Variants in MSI2 observed in about 807,000 individuals in gnomAD.
MSI2 encodes RNA-binding protein Musashi homolog 2.
Under a neutral mutation model 45.6 loss-of-function variants are expected in MSI2, and 17 were observed. The ratio of observed to expected loss-of-function variants is 0.37; its 90% CI spans 0.26 to 0.56. The LOEUF is 0.56. Among genes scored for constraint, MSI2 ranks in the 20% least tolerant of loss-of-function variants. MSI2 has a pLI of 0.77. For missense variants in MSI2, 293 were observed against 444.2 expected (o/e 0.66, Z 3.06); for synonymous variants, 156 against 158.2 (o/e 0.99, Z 0.11).
chr17:57,479,150 G>A (rs769026382), intron 6 of MSI2, among the ~76,000 whole-genome samples: 1 of 152,146 alleles, frequency 6.6e-6, no homozygotes, highest in South Asian at 2.1e-4. Flanking sequence ...CAAAATGATG[G>A]AGACCCTTGG....
chr17:57,629,449 G>A (rs1380754106), intron 10 of MSI2: 1 of 152,176 alleles, frequency 6.6e-6, no homozygotes, highest in Non-Finnish European at 1.5e-5. Flanking sequence ...AGAAGAATAA[G>A]AAGAAGTAAA....
intron 7 of MSI2, among the ~76,000 whole-genome samples, chr17:57,579,274 C>T (rs973143777): frequency 6.6e-6 from 1 of 152,110 alleles, no homozygotes; most frequent in Non-Finnish European, 1.5e-5. Context: ...GCAGAATGGC[C>T]GTAACATGGC....
At chr17:57,326,990 G>C (rs1913851440) in intron 5 of MSI2, among the ~76,000 whole-genome samples, 1 of 152,146 alleles carries the variant, frequency 6.6e-6, no homozygotes, top group Non-Finnish European at 1.5e-5. Flanking sequence ...AGTTAAGAAG[G>C]GAAAAACCTC....
chr17:57,578,831 T>C (rs2088122336), intron 7 of MSI2, among the ~76,000 whole-genome samples: 2 of 152,134 alleles, frequency 1.3e-5, no homozygotes, highest in Admixed American at 6.5e-5. Context: ...GGTGGGTGTG[T>C]GATGATGCGG....
intron 7 of MSI2, among the ~76,000 whole-genome samples, chr17:57,548,779 G>A (rs1041206155): frequency 6.6e-6 from 1 of 151,988 alleles, no homozygotes; most frequent in Non-Finnish European, 1.5e-5. Context: ...ATGGCCATTC[G>A]GAGTCAGCCC....
At chr17:57,577,890 T>C (rs2144349810) in intron 7 of MSI2, among the ~76,000 whole-genome samples, 1 of 152,316 alleles carries the variant, frequency 6.6e-6, no homozygotes, top group Non-Finnish European at 1.5e-5. Flanking sequence ...GGTCACTGGG[T>C]ACTCCAGAGG....
intron 8 of MSI2, among the ~76,000 whole-genome samples, chr17:57,613,357 C>T (rs985056054): frequency 6.6e-6 from 1 of 152,192 alleles, no homozygotes; most frequent in Non-Finnish European, 1.5e-5. Flanking sequence ...TTGCCTGGGA[C>T]TGAGGGGTTT....
At chr17:57,583,298 C>T (rs1230835931) in intron 7 of MSI2, among the ~76,000 whole-genome samples, 3 of 152,172 alleles carry the variant, frequency 2.0e-5, no homozygotes, top group East Asian at 1.9e-4. Context: ...AAATGAGGAG[C>T]CCCACCCTCA....
At chr17:57,500,373 G>A (rs1485166205) in intron 6 of MSI2, among the ~76,000 whole-genome samples, 2 of 151,356 alleles carry the variant, frequency 1.3e-5, no homozygotes, top group Admixed American at 6.6e-5. Flanking sequence ...ATCTCTCTTC[G>A]CCACCATATG....
At chr17:57,630,483 A>G (rs1909263734) in intron 10 of MSI2, 1 of 152,252 alleles carries the variant, frequency 6.6e-6, no homozygotes, top group Non-Finnish European at 1.5e-5. Context: ...AGTGGCCACA[A>G]GAGTAAGGTT....
chr17:57,279,652 CT>C, intron 5 of MSI2: 1 of 151,712 alleles, frequency 6.6e-6, no homozygotes, highest in Non-Finnish European at 1.5e-5. Context: ...TTTCTTTTTT[CT>C]TTTTTTTGTG....
chr17:57,513,837 A>G (rs150353367), intron 6 of MSI2, among the ~76,000 whole-genome samples: 134 of 152,340 alleles, frequency 8.8e-4, no homozygotes, highest in African/African-American at 3.1e-3. Context: ...GTTCTTAGAA[A>G]ATCCCTAGTT....
intron 5 of MSI2, among the ~76,000 whole-genome samples, chr17:57,345,676 G>A (rs376247748): frequency 4.6e-5 from 7 of 151,872 alleles, no homozygotes; most frequent in African/African-American, 1.5e-4. Context: ...AAAATTACCC[G>A]GGTGTGGTGG....
chr17:57,591,522 G>T (rs560571379), intron 7 of MSI2, among the ~76,000 whole-genome samples: 15 of 151,484 alleles, frequency 9.9e-5, no homozygotes, highest in Non-Finnish European at 2.1e-4. Context: ...CAGGAGTTTC[G>T]AGACCAGCCT....
chr17:57,679,044 G>A (rs1295536580), intron 13 of MSI2, among the ~76,000 whole-genome samples: 2 of 152,172 alleles, frequency 1.3e-5, no homozygotes, highest in African/African-American at 2.4e-5. Context: ...ATGACCTTTA[G>A]TTTTTGGTAT....
At chr17:57,657,107 G>A (rs1435633537) in intron 11 of MSI2, among the ~76,000 whole-genome samples, 10 of 152,276 alleles carry the variant, frequency 6.6e-5, no homozygotes, top group Non-Finnish European at 1.0e-4. Context: ...GGAAAACGTC[G>A]GAGTCCATAA....
At chr17:57,385,502 C>A (rs558545827) in intron 5 of MSI2, among the ~76,000 whole-genome samples, 1 of 152,120 alleles carries the variant, frequency 6.6e-6, no homozygotes, top group South Asian at 2.1e-4. Context: ...ATACAAAAAA[C>A]TAGTCAGGCA....
chr17:57,470,114 C>T lies in MSI2; in HGVS notation c.406-59562C>T, dbSNP rs544755358. Among the ~76,000 whole-genome samples the T allele has an allele frequency of 2.0e-5, 3 of 152,266 alleles. No homozygotes were observed. The South Asian group carries it at 6.2e-4, about 32-fold the overall frequency. On this transcript the variant is annotated intron_variant, in intron 6 of 13. Transcript: ENST00000284073. Reference sequence around the variant, plus strand: ...TGACTGCGGGCCTGTCAGGTGCTGTCCTGCAGTTCCCCTCTTCTAGCCCAT... The same window carrying T: ...TGACTGCGGGCCTGTCAGGTGCTGTTCTGCAGTTCCCCTCTTCTAGCCCAT...
rs1400687284 is a variant in MSI2 at position 57,679,881 on chromosome 17, T to G, written c.*364T>G. The G allele has an allele frequency of 4.3e-6, 1 of 231,426 alleles. No individual in the cohort carries two copies. Among genetic ancestry groups the G allele is most frequent in the African/African-American group, 2.2e-5 (1 of 45,288 alleles). The allele number at this position is 231,426 out of a possible 1,614,324, so 14.3% of individuals were successfully genotyped here. A position where few individuals can be genotyped will look rare whatever the true frequency, so the allele number is the denominator to read the frequency against. On this transcript the variant is annotated 3_prime_UTR_variant, in exon 14 of 14. Coordinates refer to ENST00000284073, the MANE Select transcript of MSI2 (RefSeq NM_138962.4). ...ATTTTGACTTAGTCCAGTAGTCACA[T>G]AGCTTTAATATCTAGTTCAAAGCTA...
Sources: gnomAD v4.1 joint callset for allele counts (sites outside exome capture counted in the v4.1 genomes callset) on GRCh38, gnomAD v4.1.1 for gene constraint, MANE v1.5 for transcripts, NCBI Gene and HGNC (gene_info 2026-07-23, HGNC 2026-07-21) for gene names.